Variants in KPNA7 observed in about 807,000 individuals in gnomAD.
The protein encoded by KPNA7 is importin subunit alpha-8.
Under a neutral mutation model 53.7 loss-of-function variants are expected in KPNA7, and 54 were observed. That is an observed-to-expected ratio of 1.01 (90% confidence interval 0.81 to 1.26). The LOEUF (loss-of-function observed/expected upper bound fraction) is 1.26. Ranked by LOEUF, KPNA7 falls within the 50% of genes most tolerant of loss-of-function variation. The probability of loss-of-function intolerance (pLI) is 0.00; values close to 1 mark genes in which losing one functional copy is unlikely to be tolerated. For missense variants in KPNA7, 640 were observed against 644.5 expected, an observed-to-expected ratio of 0.99 and a Z score of 0.07; for synonymous variants, 276 against 259.3, an observed-to-expected ratio of 1.06 and a Z score of -0.62.
At position 99,184,968 on chromosome 7, in the gene KPNA7, G is replaced by C. The variant is rs1230757517; in HGVS notation, c.1095C>G (p.Ala365=). Residue 365 remains alanine, a synonymous_variant, in exon 8 of 11, where the codon GCC becomes GCG. Transcript: ENST00000327442. ...GPCHHIQQLL[A]YDVLPPLVAL... is the part of the protein sequence containing the mutation. The stretch of plus-strand genomic sequence containing the variant: ...CCACCAAGGGAGGCAAGACGTCGTA[G>C]GCAAGCAGCTGCTGGATGTGGTGAC... 1.9e-6 allele frequency: 3 copies of C among 1,552,074 alleles called. No individual in the cohort carries two copies. The highest frequency in any genetic ancestry group is 2.6e-6 in the Non-Finnish European group (3 of 1,147,096).
chr7:99,218,012 A>G (rs1030581580), intron 1 of KPNA7, among the ~76,000 whole-genome samples: 1 of 151,534 alleles, frequency 6.6e-6, no homozygotes, highest in African/African-American at 2.4e-5. Flanking sequence ...TTCAGTTTCA[A>G]TGCTGAGAAA....
intron 3 of KPNA7, among the ~76,000 whole-genome samples, chr7:99,198,699 T>A (rs545803973): frequency 1.3e-5 from 2 of 152,258 alleles, no homozygotes; most frequent in South Asian, 4.1e-4. Context: ...TCTAAAAGAT[T>A]TCCCCCAAGA....
chr7:99,207,056 T>C lies in KPNA7; in HGVS notation c.66+345A>G, dbSNP rs555087050. 2.6e-5 allele frequency among the ~76,000 whole-genome samples: 4 copies of C among 152,026 alleles called. No homozygotes were observed. The East Asian group carries it at 7.8e-4, about 29-fold the overall frequency. ...GCCCCCCGCTATTTTTTTTTTGAGATGGAGTTTCTCTCTTGTCGCCCAGGC... is the reference window on the plus strand; with the variant it reads ...GCCCCCCGCTATTTTTTTTTTGAGACGGAGTTTCTCTCTTGTCGCCCAGGC... On this transcript the variant is annotated intron_variant, in intron 2 of 10. Transcript: ENST00000327442.
chr7:99,177,381 G>C (rs1037017708), intron 10 of KPNA7, among the ~76,000 whole-genome samples: 4 of 152,048 alleles, frequency 2.6e-5, no homozygotes, highest in African/African-American at 7.2e-5. Flanking sequence ...CCAGGAGTTT[G>C]AGACCAGCCT....
chr7:99,149,731 C>T, the KPNA7 span, among the ~76,000 whole-genome samples: 1 of 152,176 alleles, frequency 6.6e-6, no homozygotes, highest in African/African-American at 2.4e-5. Flanking sequence ...TTAAAATCTT[C>T]TCTGTCTAGG....
intron 7 of KPNA7, among the ~76,000 whole-genome samples, chr7:99,186,793 A>G (rs1442809731): frequency 6.6e-6 from 1 of 152,140 alleles, no homozygotes; most frequent in African/African-American, 2.4e-5. Flanking sequence ...CATACTCTCC[A>G]TGCCCCTAGC....
chr7:99,174,370 T>C (rs1798829849), intron 10 of KPNA7, among the ~76,000 whole-genome samples: 2 of 152,170 alleles, frequency 1.3e-5, no homozygotes, highest in Non-Finnish European at 2.9e-5. Context: ...TGTATAATTA[T>C]TTCATTATAT....
At chr7:99,198,666 A>T (rs1022804703) in intron 3 of KPNA7, among the ~76,000 whole-genome samples, 2 of 152,244 alleles carry the variant, frequency 1.3e-5, no homozygotes, top group African/African-American at 2.4e-5. Flanking sequence ...ACTCAGAGGT[A>T]GCCTCATACT....
At chr7:99,209,050 G>C (rs540802837), upstream of KPNA7, among the ~76,000 whole-genome samples, 44 of 152,256 alleles carry the variant, frequency 2.9e-4, no homozygotes, top group African/African-American at 1.1e-3. Context: ...TATTTGGGAG[G>C]CTGAAGCAGG....
chr7:99,216,805 G>A (rs762824043), intron 1 of KPNA7, among the ~76,000 whole-genome samples: 19 of 151,856 alleles, frequency 1.3e-4, no homozygotes, highest in Non-Finnish European at 2.2e-4. Context: ...CAGGTGATCC[G>A]CCCGCCTTGG....
the KPNA7 span, among the ~76,000 whole-genome samples, chr7:99,155,098 A>G: frequency 1.3e-5 from 2 of 152,190 alleles, no homozygotes; most frequent in Non-Finnish European, 1.5e-5. Flanking sequence ...AATTTAGGAC[A>G]TTATCTGTTG....
intron 2 of KPNA7, among the ~76,000 whole-genome samples, chr7:99,205,455 T>C (rs1310588742): frequency 6.7e-6 from 1 of 148,158 alleles, no homozygotes; most frequent in African/African-American, 2.5e-5. Context: ...TTCCTGATGG[T>C]GGCCTAACCA....
At chr7:99,187,057 T>TG (rs1789632719) in intron 7 of KPNA7, among the ~76,000 whole-genome samples, 1 of 151,904 alleles carries the variant, frequency 6.6e-6, no homozygotes, top group African/African-American at 2.4e-5. Context: ...GAGGCTGAGG[T>TG]GGGCAGATCA....
chr7:99,171,482 C>T (rs148258023), downstream of KPNA7, among the ~76,000 whole-genome samples: 182 of 152,260 alleles, frequency 1.2e-3, no homozygotes, highest in Admixed American at 4.2e-3. Context: ...CACTTCATAG[C>T]CCAGGCTGGA....
At chr7:99,184,817 C>G (rs1584275071) in intron 8 of KPNA7, 112 bp downstream of exon 8, 2 of 875,528 alleles carry the variant, frequency 2.3e-6, no homozygotes, top group East Asian at 2.6e-5. Context: ...GGTTTCAGAG[C>G]TCTGCTGTGA....
At chr7:99,176,207 A>C (rs1798893803) in intron 10 of KPNA7, among the ~76,000 whole-genome samples, 1 of 151,018 alleles carries the variant, frequency 6.6e-6, no homozygotes, top group Non-Finnish European at 1.5e-5. Flanking sequence ...CTGAGGCAGG[A>C]GAATGACGTG....
intron 8 of KPNA7, among the ~76,000 whole-genome samples, chr7:99,184,569 G>GT (rs1351902660): frequency 6.6e-6 from 1 of 152,126 alleles, no homozygotes; most frequent in Non-Finnish European, 1.5e-5. Flanking sequence ...AGCATGATAT[G>GT]TTTTTCCTCC....
the KPNA7 span, among the ~76,000 whole-genome samples, chr7:99,163,381 A>T: frequency 0.073 from 4,269 of 58,694 alleles, 264 homozygotes; most frequent in African/African-American, 0.099. Context: ...ATATATATAT[A>T]TATTTTTTTT....
At chr7:99,204,185 C>G (rs1429615196) in intron 2 of KPNA7, among the ~76,000 whole-genome samples, 1 of 152,044 alleles carries the variant, frequency 6.6e-6, no homozygotes, top group Non-Finnish European at 1.5e-5. Context: ...TCTAGACCAG[C>G]CTGGACAACA....
Sources: gnomAD v4.1 joint callset for allele counts (sites outside exome capture counted in the v4.1 genomes callset) on GRCh38, gnomAD v4.1.1 for gene constraint, MANE v1.5 for transcripts, NCBI Gene and HGNC (gene_info 2026-07-23, HGNC 2026-07-21) for gene names.